The following ITGA1 variants were observed in gnomAD, a reference collection of about 807,000 sequenced individuals.
The protein encoded by ITGA1 is integrin alpha-1.
ITGA1 carries 85 observed loss-of-function variants against 145.9 expected under a neutral mutation model. The observed-to-expected ratio is 0.58, with a 90% confidence interval of 0.49 to 0.70. The LOEUF is 0.70. Ranked by LOEUF, ITGA1 falls within the 30% of genes least tolerant of loss-of-function variation. The probability of loss-of-function intolerance (pLI) is 0.00; values close to 1 mark genes in which losing one functional copy is unlikely to be tolerated. For missense variants in ITGA1, 1,351 were observed against 1,418.7 expected (o/e 0.95, Z 0.77); for synonymous variants, 520 against 495.3 (o/e 1.05, Z -0.66).
intron 2 of ITGA1, among the ~76,000 whole-genome samples, chr5:52,857,537 T>A (rs1749535827): frequency 6.6e-6 from 1 of 152,156 alleles, no homozygotes; most frequent in Admixed American, 6.5e-5. Flanking sequence ...TTACTTGAAA[T>A]GAAATCTGCC....
chr5:52,944,818 TAAC>T, intron 26 of ITGA1, 122 bp from the exon 27 acceptor site: 1 of 646,874 alleles, frequency 1.5e-6, no homozygotes, highest in Non-Finnish European at 2.7e-6. Flanking sequence ...ATTTGGAAGT[TAAC>T]AAAACTGGAA....
chr5:52,937,576 C>G, intron 24 of ITGA1, 62 bp downstream of exon 24: 1 of 1,020,182 alleles, frequency 9.8e-7, no homozygotes, highest in Non-Finnish European at 1.5e-6. Flanking sequence ...TATGTTTAAG[C>G]CTTTTGTTCT....
intron 1 of ITGA1, among the ~76,000 whole-genome samples, chr5:52,840,774 A>G (rs1214811782): frequency 6.6e-6 from 1 of 152,224 alleles, no homozygotes; most frequent in African/African-American, 2.4e-5. Flanking sequence ...TAGCACTTAT[A>G]AAATGGGACA....
At chr5:52,860,277 G>C (rs1749577442) in intron 2 of ITGA1, among the ~76,000 whole-genome samples, 2 of 152,186 alleles carry the variant, frequency 1.3e-5, no homozygotes, top group South Asian at 4.1e-4. Flanking sequence ...GCTGGGCGTG[G>C]TGGCTCATGC....
At chr5:52,832,217 A>G (rs1749082467) in intron 1 of ITGA1, among the ~76,000 whole-genome samples, 1 of 151,970 alleles carries the variant, frequency 6.6e-6, no homozygotes, top group African/African-American at 2.4e-5. Context: ...ACAAGAGCCT[A>G]CTCCAGGCTG....
intron 1 of ITGA1, among the ~76,000 whole-genome samples, chr5:52,833,558 A>G (rs946705116): frequency 6.6e-6 from 1 of 152,158 alleles, no homozygotes; most frequent in Non-Finnish European, 1.5e-5. Flanking sequence ...TGATTTTACT[A>G]CCTTGCTCTT....
chr5:52,860,329 C>T (rs557137235), intron 2 of ITGA1, among the ~76,000 whole-genome samples: 29 of 152,248 alleles, frequency 1.9e-4, no homozygotes, highest in East Asian at 3.9e-4. Context: ...GGGCGGATCA[C>T]GTGGTCAAGA....
chr5:52,948,342 A>G (rs1198547246), intron 28 of ITGA1, among the ~76,000 whole-genome samples: 1 of 152,222 alleles, frequency 6.6e-6, no homozygotes, highest in African/African-American at 2.4e-5. Context: ...TGTTAAAAAT[A>G]TAGGTTGTGG....
intron 1 of ITGA1, among the ~76,000 whole-genome samples, chr5:52,830,618 TTTAAA>T (rs1390164528): frequency 1.3e-5 from 2 of 152,212 alleles, no homozygotes; most frequent in African/African-American, 2.4e-5. Flanking sequence ...TTTTTATACT[TTTAAA>T]TTAGTCAAAG....
At chr5:52,796,336 A>G (rs1241537667) in intron 1 of ITGA1, among the ~76,000 whole-genome samples, 2 of 151,948 alleles carry the variant, frequency 1.3e-5, no homozygotes, top group Non-Finnish European at 2.9e-5. Flanking sequence ...TGGAGAGATT[A>G]ATATAAATAA....
At chr5:52,853,400 A>G (rs1749457774) in intron 2 of ITGA1, among the ~76,000 whole-genome samples, 1 of 152,164 alleles carries the variant, frequency 6.6e-6, no homozygotes, top group African/African-American at 2.4e-5. Flanking sequence ...ATTTGGAGGA[A>G]CATGGATTTT....
intron 26 of ITGA1, among the ~76,000 whole-genome samples, chr5:52,943,771 A>C (rs916062346): frequency 7.2e-5 from 11 of 152,070 alleles, no homozygotes; most frequent in Admixed American, 3.3e-4. Context: ...GTGCTCTGAG[A>C]TGGGGGCTCC....
At chr5:52,942,522 T>C (rs2111904198) in intron 26 of ITGA1, among the ~76,000 whole-genome samples, 1 of 148,640 alleles carries the variant, frequency 6.7e-6, no homozygotes, top group South Asian at 2.1e-4. Context: ...TTGTAGCTTC[T>C]GTAAATGGAG....
At position 52,911,965 on chromosome 5, in the gene ITGA1, G is replaced by A. The variant is rs1254328875; in HGVS notation, c.1857+1546G>A. 2.8e-3 allele frequency among the ~76,000 whole-genome samples: 226 copies of A among 79,504 alleles called. 2 individuals carry two copies. The highest frequency in any genetic ancestry group is 8.1e-3 in the African/African-American group (195 of 23,928). 52.2% of individuals were successfully genotyped at this position (79,504 alleles called of 152,430 possible). ...ATATACTATATATACTATATATAGT[G>A]TATCTACTATATATACTATATGTAT... On this transcript the variant is annotated intron_variant, in intron 14 of 28. Transcript: ENST00000282588.
intron 6 of ITGA1, among the ~76,000 whole-genome samples, chr5:52,866,560 G>A (rs1271561482): frequency 3.3e-5 from 5 of 152,122 alleles, no homozygotes; most frequent in Non-Finnish European, 7.4e-5. Context: ...TAACTGACCA[G>A]AGGATACTAC....
chr5:52,894,503 C>G (rs568513980), intron 9 of ITGA1, among the ~76,000 whole-genome samples: 1 of 151,784 alleles, frequency 6.6e-6, no homozygotes, highest in Non-Finnish European at 1.5e-5. Context: ...CTTTGGAACT[C>G]GATCTTTCCT....
At chr5:52,901,803 C>G (rs910883798) in intron 11 of ITGA1, 1 of 152,134 alleles carries the variant, frequency 6.6e-6, no homozygotes, top group African/African-American at 2.4e-5. Context: ...TATGACTTCT[C>G]TCTGTCCAAA....
rs536107621 is a variant in ITGA1, at chr5:52,873,316, C to A, written c.624+7499C>A. 2.0e-5 allele frequency among the ~76,000 whole-genome samples: 3 copies of A among 152,298 alleles called. No homozygotes were observed. The South Asian group carries it at 6.2e-4, about 32-fold the overall frequency. On this transcript the variant is annotated intron_variant, in intron 6 of 28. Transcript: ENST00000282588. ...GCCCTAATTTCTCCTATAGCCCTTG[C>A]CCTTCTCCACAAACACAGTGAATTA...
chr5:52,926,101 A>G (rs1312846763), intron 19 of ITGA1, among the ~76,000 whole-genome samples: 1 of 152,062 alleles, frequency 6.6e-6, no homozygotes, highest in African/African-American at 2.4e-5. Context: ...GTGTATATTT[A>G]TATTAATTAA....
Sources: gnomAD v4.1 joint callset for allele counts (sites outside exome capture counted in the v4.1 genomes callset) on GRCh38, gnomAD v4.1.1 for gene constraint, MANE v1.5 for transcripts, NCBI Gene and HGNC (gene_info 2026-07-23, HGNC 2026-07-21) for gene names.